The following PLD1 variants were observed in gnomAD, a reference collection of about 807,000 sequenced individuals.
PLD1 encodes the protein choline phosphatase 1.
Under a neutral mutation model 137.1 loss-of-function variants are expected in PLD1, and 112 were observed. The observed-to-expected ratio is 0.82, with a 90% confidence interval of 0.70 to 0.96. PLD1 has a LOEUF of 0.96. PLD1 is among the 40% of genes least tolerant of loss of function. The probability of loss-of-function intolerance (pLI) is 0.00; values close to 1 mark genes in which losing one functional copy is unlikely to be tolerated. For synonymous variants in PLD1, 431 were observed against 454.7 expected (o/e 0.95, Z 0.66); for missense variants, 1,321 against 1,342.0 (o/e 0.98, Z 0.24).
Position 171,612,275 on chromosome 3 carries a change from T to C in PLD1, c.2882+4A>G. 1.2e-6 allele frequency: 2 copies of C among 1,613,500 alleles called. No individual in the cohort carries two copies. The highest frequency in any genetic ancestry group is 1.7e-6 in the Non-Finnish European group (2 of 1,179,544). On this transcript the variant is annotated splice_donor_region_variant and intron_variant, in intron 25 of 26. Transcript: ENST00000351298. The surrounding 1 kb of genome is among the most constrained non-coding windows in gnomAD (Gnocchi z 4.1). Reference sequence around the variant, plus strand: ...ATCAGAGAGACACACTTTGGCGGACTGACCTAAAGCACTGTAGCCGAAGTC... The same window carrying C: ...ATCAGAGAGACACACTTTGGCGGACCGACCTAAAGCACTGTAGCCGAAGTC...
chr3:171,663,413 T>C (rs1270667956), intron 19 of PLD1, among the ~76,000 whole-genome samples: 1 of 152,250 alleles, frequency 6.6e-6, no homozygotes, highest in African/African-American at 2.4e-5. Context: ...CCTCAGATTT[T>C]TGTTCTATAA....
Position 171,737,671 on chromosome 3 carries a change from A to G in PLD1, c.161-12T>C, listed in dbSNP as rs779944955. 6 of 1,477,842 alleles carry G rather than the reference A, an allele frequency of 4.1e-6. No individual in the cohort carries two copies. The highest frequency in any genetic ancestry group is 1.4e-5 in the African/African-American group (1 of 70,564). The allele number at this position is 1,477,842 out of a possible 1,614,324, so 91.5% of individuals were successfully genotyped here. A position where few individuals can be genotyped will look rare whatever the true frequency, so the allele number is the denominator to read the frequency against. On this transcript the variant is annotated splice_polypyrimidine_tract_variant and intron_variant, in intron 2 of 26. Coordinates refer to ENST00000351298, the MANE Select transcript of PLD1 (RefSeq NM_002662.5). ...GAAAGGGATATACACTAAAAAAAAA[A>G]GTAAATAAAGTTAATGCAATATATG...
chr3:171,743,112 C>T (rs1719898939), intron 1 of PLD1, among the ~76,000 whole-genome samples: 1 of 152,136 alleles, frequency 6.6e-6, no homozygotes, highest in South Asian at 2.1e-4. Context: ...GTTGCAGTGT[C>T]CCTCTGTGAA....
chr3:171,760,027 T>C (rs1370009637), intron 1 of PLD1, among the ~76,000 whole-genome samples: 1 of 152,224 alleles, frequency 6.6e-6, no homozygotes, highest in East Asian at 1.9e-4. Flanking sequence ...CGAACCCTAA[T>C]AACTCCACCT....
At chr3:171,682,000 A>G (rs938662577) in intron 16 of PLD1, among the ~76,000 whole-genome samples, 1 of 152,110 alleles carries the variant, frequency 6.6e-6, no homozygotes, top group African/African-American at 2.4e-5. Context: ...CTTAATGTAG[A>G]TGACAGGTTG....
At chr3:171,624,672 A>G (rs1186080273) in intron 23 of PLD1, among the ~76,000 whole-genome samples, 1 of 152,188 alleles carries the variant, frequency 6.6e-6, no homozygotes, top group African/African-American at 2.4e-5. Context: ...GATTGAATAA[A>G]CGCAAATCCA....
At chr3:171,698,284 A>G (rs1244875213) in intron 12 of PLD1, among the ~76,000 whole-genome samples, 2 of 152,246 alleles carry the variant, frequency 1.3e-5, no homozygotes, top group Admixed American at 6.5e-5. Context: ...CCGTATGATG[A>G]ATTATTTAAT....
In PLD1 at chr3:171,661,492, A is replaced by T. The variant is rs572026234; in HGVS notation, c.2340+568T>A. ...CCCAAACTAAACTCAGTGTCCCCAG[A>T]TTTTCTCATATGCTCTAAAAATTCT... On this transcript the variant is annotated intron_variant, in intron 20 of 26. Coordinates refer to ENST00000351298, the MANE Select transcript of PLD1 (RefSeq NM_002662.5). 2.6e-5 allele frequency among the ~76,000 whole-genome samples: 4 copies of T among 152,202 alleles called. No individual in the cohort carries two copies. In the South Asian group the frequency reaches 8.3e-4, roughly 32 times the overall value.
intron 1 of PLD1, among the ~76,000 whole-genome samples, chr3:171,748,945 C>G (rs570951999): frequency 3.3e-5 from 5 of 151,366 alleles, no homozygotes; most frequent in Non-Finnish European, 7.4e-5. Context: ...TCATGTCCCC[C>G]CTAAGCACAG....
chr3:171,660,672 C>A (rs1471097477), intron 20 of PLD1, among the ~76,000 whole-genome samples: 1 of 152,052 alleles, frequency 6.6e-6, no homozygotes, highest in African/African-American at 2.4e-5. Context: ...ATGGCATGAT[C>A]TCGGCTCACT....
chr3:171,798,928 G>A (rs1340200372), intron 1 of PLD1, among the ~76,000 whole-genome samples: 1 of 152,148 alleles, frequency 6.6e-6, no homozygotes. Context: ...AGGTTTCATG[G>A]GTAGCCTACC....
Position 171,737,967 on chromosome 3 carries a change from C to G in PLD1, c.85G>C (p.Asp29His), listed in dbSNP as rs1353139460. 6.2e-7 allele frequency: 1 copy of G among 1,613,958 alleles called. No homozygotes were observed. The highest frequency in any genetic ancestry group is 1.3e-5 in the African/African-American group (1 of 75,022). ...CCCTCAAAGTGGAGTTCCCGCGTGT[C>G]CAGATTTTCTATGATATTACTCATG... is the stretch of plus-strand genomic sequence containing the variant. ...ADMSNIIENL[D>H]TRELHFEGEE... is the part of the protein sequence containing the mutation. The change falls in exon 2 of 27, where the codon GAC becomes CAC. Residue 29 changes from aspartate (D) to histidine (H), a missense_variant. Coordinates refer to ENST00000351298, the MANE Select transcript of PLD1 (RefSeq NM_002662.5).
At chr3:171,770,586 T>G (rs1168631491) in intron 1 of PLD1, among the ~76,000 whole-genome samples, 44 of 151,968 alleles carry the variant, frequency 2.9e-4, no homozygotes, top group Admixed American at 2.8e-3. Flanking sequence ...AAAGCAATTA[T>G]AAGAAAGGAA....
intron 8 of PLD1, among the ~76,000 whole-genome samples, chr3:171,716,153 G>A (rs1717670249): frequency 6.6e-6 from 1 of 152,066 alleles, no homozygotes; most frequent in South Asian, 2.1e-4. Flanking sequence ...GGGTATTTAG[G>A]TTGATTCCAT....
At chr3:171,629,646 T>A (rs1734483477) in intron 23 of PLD1, among the ~76,000 whole-genome samples, 1 of 151,902 alleles carries the variant, frequency 6.6e-6, no homozygotes, top group African/African-American at 2.4e-5. Flanking sequence ...AACAGCATGG[T>A]ACTGGTACCA....
chr3:171,650,519 A>G (rs1032309609), intron 21 of PLD1, among the ~76,000 whole-genome samples: 9 of 152,192 alleles, frequency 5.9e-5, no homozygotes, highest in Non-Finnish European at 1.3e-4. Flanking sequence ...CATAGCATTA[A>G]GATCAAGGAC....
intron 8 of PLD1, among the ~76,000 whole-genome samples, chr3:171,715,861 C>A (rs777445320): frequency 5.9e-5 from 9 of 152,066 alleles, no homozygotes; most frequent in Non-Finnish European, 8.8e-5. Context: ...ATTGCTTTGT[C>A]ACCCAGGTAC....
At chr3:171,773,214 A>G (rs1298479079) in intron 1 of PLD1, among the ~76,000 whole-genome samples, 2 of 152,258 alleles carry the variant, frequency 1.3e-5, no homozygotes, top group Admixed American at 1.3e-4. Context: ...GTGGGCACCA[A>G]ATTACACTAC....
chr3:171,787,919 T>A (rs1230855616), intron 1 of PLD1, among the ~76,000 whole-genome samples: 1 of 151,554 alleles, frequency 6.6e-6, no homozygotes, highest in East Asian at 1.9e-4. Flanking sequence ...AAGAAAAAAA[T>A]TCAGCCGGGT....
Sources: gnomAD v4.1 joint callset for allele counts (sites outside exome capture counted in the v4.1 genomes callset) on GRCh38, gnomAD v4.1.1 for gene constraint, Gnocchi (gnomAD v3.1) non-coding constraint, MANE v1.5 for transcripts, NCBI Gene and HGNC (gene_info 2026-07-23, HGNC 2026-07-21) for gene names.